Variants in TRPV3 observed in about 807,000 individuals in gnomAD.
The protein encoded by TRPV3 is VRL-3.
TRPV3 carries 88 observed loss-of-function variants against 87.1 expected under a neutral mutation model. That is an observed-to-expected ratio of 1.01 (90% CI 0.85 to 1.21). The LOEUF is 1.21. TRPV3 is among the 50% of genes most tolerant of loss of function. TRPV3 has a pLI of 0.00. For synonymous variants in TRPV3, 438 were observed against 423.3 expected (o/e 1.03, Z -0.43); for missense variants, 1,054 against 1,030.1 (o/e 1.02, Z -0.32).
At chr17:3,541,220 T>C (rs2074456440) in intron 6 of TRPV3, among the ~76,000 whole-genome samples, 2 of 151,810 alleles carry the variant, frequency 1.3e-5, no homozygotes, top group South Asian at 2.1e-4. Flanking sequence ...CCAAAAAAAT[T>C]AGCCAGGCAT....
At chr17:3,514,104 G>C (rs1241974501) in intron 17 of TRPV3, 93 bp from the exon 18 acceptor site, 1 of 1,132,084 alleles carries the variant, frequency 8.8e-7, no homozygotes, top group Non-Finnish European at 1.2e-6. Flanking sequence ...TTGAGATGGA[G>C]TTTCCCTCTT....
chr17:3,546,212 C>T (rs889252031), intron 2 of TRPV3, among the ~76,000 whole-genome samples: 7 of 151,972 alleles, frequency 4.6e-5, no homozygotes, highest in Admixed American at 2.0e-4. Context: ...AAGGCCTAGG[C>T]GGGCGGATCA....
rs76493077 is a variant in TRPV3 at position 3,544,557 on chromosome 17, G to A, written c.311+22C>T. 12,388 of 1,517,518 alleles carry A rather than the reference G, an allele frequency of 8.2e-3. 556 individuals carry two copies. In the African/African-American group the frequency reaches 0.12, roughly 14 times the overall value. The allele number at this position is 1,517,518 out of a possible 1,614,324, so 94.0% of individuals were successfully genotyped here. On this transcript the variant is annotated intron_variant, in intron 4 of 17. Transcript: ENST00000576742. ...CCCAGCCTGGGTGGGCACAGTGGGT[G>A]GAGGGGGAGGGGCAGACTTACCTGG...
At position 3,556,971 on chromosome 17, in the gene TRPV3, A is replaced by T. The variant is rs1297715498; in HGVS notation, c.-3+705T>A. Among the ~76,000 whole-genome samples, 1 of 151,700 alleles carries T rather than the reference A, an allele frequency of 6.6e-6. No individual in the cohort carries two copies. The highest frequency in any genetic ancestry group is 1.5e-5 in the Non-Finnish European group (1 of 67,906). ...GAAGTGGGCTGAATGGTCCCCAAGGACTCTGTGGCCCTGAGAGCTGGTTGC... is the reference window on the plus strand; with the variant it reads ...GAAGTGGGCTGAATGGTCCCCAAGGTCTCTGTGGCCCTGAGAGCTGGTTGC... On this transcript the variant is annotated intron_variant, in intron 1 of 17. Coordinates refer to ENST00000576742, the MANE Select transcript of TRPV3 (RefSeq NM_145068.4). The surrounding 1 kb of genome is among the most constrained non-coding windows in gnomAD (Gnocchi z 4.2).
chr17:3,544,927 T>C (rs1163907351), intron 3 of TRPV3, among the ~76,000 whole-genome samples: 1 of 152,176 alleles, frequency 6.6e-6, no homozygotes, highest in Non-Finnish European at 1.5e-5. Flanking sequence ...GGCAGGAGAA[T>C]CGCTTAAACC....
At chr17:3,523,921 C>G (rs760263148) in intron 13 of TRPV3, among the ~76,000 whole-genome samples, 4 of 151,958 alleles carry the variant, frequency 2.6e-5, no homozygotes, top group Non-Finnish European at 5.9e-5. Context: ...CACACACACA[C>G]ACAGAACAGT....
In TRPV3 at chr17:3,527,201, C is replaced by T. The variant is rs11868813; in HGVS notation, c.1504-274G>A. On this transcript the variant is annotated intron_variant, in intron 11 of 17. Transcript: ENST00000576742. ...TGCAAAGCGGTACTACCACTACAGCCGCCTTCCATTCCCCACATCCAGCCT... is the reference window on the plus strand; with the variant it reads ...TGCAAAGCGGTACTACCACTACAGCTGCCTTCCATTCCCCACATCCAGCCT... Among the ~76,000 whole-genome samples, 51,535 of 152,064 alleles carry T rather than the reference C, an allele frequency of 0.34. 11,029 individuals carry two copies. The highest frequency in any genetic ancestry group is 0.47 in the Non-Finnish European group (31,910 of 67,944).
chr17:3,543,367 GC>G lies in TRPV3; in HGVS notation c.466+106del. Reference sequence around the variant, plus strand: ...TCAAAGTCCCTAGCCAGAATTCAAGGCCCCTCACACTCCAGCCTCATGGGTT... The same window carrying G: ...TCAAAGTCCCTAGCCAGAATTCAAGGCCCTCACACTCCAGCCTCATGGGTT... On this transcript the variant is annotated intron_variant, in intron 5 of 17. Coordinates refer to ENST00000576742, the MANE Select transcript of TRPV3 (RefSeq NM_145068.4). The G allele has an allele frequency of 2.9e-6, 4 of 1,396,644 alleles. No homozygotes were observed. The South Asian group carries it at 5.1e-5, about 18-fold the overall frequency. The allele number at this position is 1,396,644 out of a possible 1,614,324, so 86.5% of individuals were successfully genotyped here.
At chr17:3,550,520 C>CTTTTTT (rs35400667) in intron 2 of TRPV3, among the ~76,000 whole-genome samples, 14 of 92,164 alleles carry the variant, frequency 1.5e-4, no homozygotes, top group Admixed American at 4.6e-4. Flanking sequence ...CCTGCCTGCT[C>CTTTTTT]TTTTTTTTTT....
Position 3,521,022 on chromosome 17 carries a change from A to G in TRPV3, c.1761T>C (p.Val587=), listed in dbSNP as rs2074240329. 2 of 1,608,992 alleles carry G rather than the reference A, an allele frequency of 1.2e-6. No homozygotes were observed. Among genetic ancestry groups the G allele is most frequent in the Non-Finnish European group, 1.7e-6 (2 of 1,176,560 alleles). Residue 587 remains valine, a synonymous_variant, in exon 14 of 18, where the codon GTT becomes GTC. Coordinates refer to ENST00000576742, the MANE Select transcript of TRPV3 (RefSeq NM_145068.4). ...CGATATATACAAACAAGAACTTCAGAACATCATGCAAAATGACCTATAAGG... is the reference window on the plus strand; with the variant it reads ...CGATATATACAAACAAGAACTTCAGGACATCATGCAAAATGACCTATAAGG... ...VMIQKVILHD[V]LKFLFVYIVF...
intron 6 of TRPV3, among the ~76,000 whole-genome samples, chr17:3,538,590 A>AT (rs1567640563): frequency 7.3e-5 from 10 of 136,410 alleles, no homozygotes; most frequent in Admixed American, 7.6e-5. Flanking sequence ...TTTAAAAAAA[A>AT]ATTTTTTTTT....
At chr17:3,546,538 G>C in intron 2 of TRPV3, 1 of 391,198 alleles carries the variant, frequency 2.6e-6, no homozygotes, top group East Asian at 7.5e-5. Flanking sequence ...ACAATTTCTA[G>C]TCTCCTCTTG....
rs374506847 is a variant in TRPV3, at chr17:3,530,229, C to G, written c.1066-26G>C. On this transcript the variant is annotated intron_variant, in intron 8 of 17. Transcript: ENST00000576742. This position sits in a 1 kb window ranked among gnomAD's most constrained non-coding sequence, Gnocchi z 4.0. ...CTGGGACAGGAGGAGGAACAACCATCAGCTGCAGAACAGGGGCTTAAGGCC... is the reference window on the plus strand; with the variant it reads ...CTGGGACAGGAGGAGGAACAACCATGAGCTGCAGAACAGGGGCTTAAGGCC... 34 of 1,598,674 alleles carry G rather than the reference C, an allele frequency of 2.1e-5. No individual in the cohort carries two copies. The East Asian group carries it at 2.9e-4, about 14-fold the overall frequency.
Position 3,528,805 on chromosome 17 carries a change from C to T in TRPV3, c.1401+32G>A. ...CTCCAAGCCCCTCCAGCTCTGACGGCCCCATTTTCCCCCTCCAAGGGGCCC... is the reference window on the plus strand; with the variant it reads ...CTCCAAGCCCCTCCAGCTCTGACGGTCCCATTTTCCCCCTCCAAGGGGCCC... On this transcript the variant is annotated intron_variant, in intron 10 of 17. Coordinates refer to ENST00000576742, the MANE Select transcript of TRPV3 (RefSeq NM_145068.4). This position sits in a 1 kb window ranked among gnomAD's most constrained non-coding sequence, Gnocchi z 4.2. 6.2e-7 allele frequency: 1 copy of T among 1,612,986 alleles called. No individual in the cohort carries two copies. The highest frequency in any genetic ancestry group is 8.5e-7 in the Non-Finnish European group (1 of 1,179,434).
At chr17:3,537,589 A>C (rs2074418866) in intron 6 of TRPV3, among the ~76,000 whole-genome samples, 1 of 152,110 alleles carries the variant, frequency 6.6e-6, no homozygotes, top group East Asian at 1.9e-4. Context: ...TGGGGAAAAT[A>C]TTTGAGATAT....
rs1450346799 is a variant in TRPV3, at chr17:3,525,148, T to C, written c.1578-785A>G. ...GATTCTCCTGCCTCAGCCTCCCTAGTAGCTGGGATTACAGGCACCCGCCAC... is the reference window on the plus strand; with the variant it reads ...GATTCTCCTGCCTCAGCCTCCCTAGCAGCTGGGATTACAGGCACCCGCCAC... On this transcript the variant is annotated intron_variant, in intron 12 of 17. Coordinates refer to ENST00000576742, the MANE Select transcript of TRPV3 (RefSeq NM_145068.4). 2.6e-5 allele frequency among the ~76,000 whole-genome samples: 4 copies of C among 151,304 alleles called. No homozygotes were observed. The South Asian group carries it at 6.3e-4, about 24-fold the overall frequency.
chr17:3,539,711 C>T (rs2150798655), intron 6 of TRPV3: 1 of 151,906 alleles, frequency 6.6e-6, no homozygotes, highest in Non-Finnish European at 1.5e-5. Context: ...TATATTGAAT[C>T]TGATGATGGA....
In TRPV3 at chr17:3,524,275, C is replaced by A; in HGVS notation, c.1666G>T (p.Ala556Ser). Residue 556 changes from alanine to serine, a missense_variant, in exon 13 of 18, where the codon GCC becomes TCC. Physicochemically the swap from Ala to Ser is moderately conservative, Grantham distance 99. Coordinates refer to ENST00000576742, the MANE Select transcript of TRPV3 (RefSeq NM_145068.4). Reference sequence around the variant, plus strand: ...TAGAGCATGTTCGCCCAGCCCAGGGCCATGGCCAGCACGAGGCAGGCGAGG... The same window carrying A: ...TAGAGCATGTTCGCCCAGCCCAGGGACATGGCCAGCACGAGGCAGGCGAGG... Reference protein sequence around the residue: ...EYLACLVLAMALGWANMLYYT... With the variant: ...EYLACLVLAMSLGWANMLYYT... 1.2e-6 allele frequency: 2 copies of A among 1,614,226 alleles called. No homozygotes were observed. The highest frequency in any genetic ancestry group is 1.7e-6 in the Non-Finnish European group (2 of 1,180,038).
At chr17:3,540,325 G>A (rs534881345) in intron 6 of TRPV3, among the ~76,000 whole-genome samples, 1 of 152,196 alleles carries the variant, frequency 6.6e-6, no homozygotes, top group African/African-American at 2.4e-5. Flanking sequence ...CAGCGGATGG[G>A]TCAGAACGGT....
Sources: allele counts gnomAD v4.1 joint callset (sites outside exome capture counted in the v4.1 genomes callset), GRCh38; gene constraint gnomAD v4.1.1; non-coding constraint Gnocchi (gnomAD v3.1); transcripts MANE v1.5; gene names NCBI Gene and HGNC (gene_info 2026-07-23, HGNC 2026-07-21).